Variants in STK40 observed in about 807,000 individuals in gnomAD.
STK40 encodes serine/threonine-protein kinase 40.
In STK40, 13 loss-of-function variants were observed where a neutral mutation model predicts 47.9. The observed-to-expected ratio is 0.27, with a 90% CI of 0.18 to 0.43. The LOEUF is 0.43. Among genes scored for constraint, STK40 ranks in the 20% least tolerant of loss-of-function variants. STK40 has a pLI of 1.00. For synonymous variants in STK40, 225 were observed against 243.2 expected (o/e 0.93, Z 0.69); for missense variants, 460 against 595.1 (o/e 0.77, Z 2.36).
intron 10 of STK40, 116 bp from the exon 11 acceptor site, chr1:36,342,089 G>C (rs1646654547): frequency 5.1e-6 from 5 of 987,216 alleles, no homozygotes; most frequent in Non-Finnish European, 7.6e-6. Context: ...ACCCTTCCAG[G>C]CACCACACCC....
In STK40 at chr1:36,380,066, A is replaced by T. The variant is rs183276111; in HGVS notation, c.-9+5657T>A. On this transcript the variant is annotated intron_variant, in intron 1 of 10. Coordinates refer to ENST00000373132, the MANE Select transcript of STK40 (RefSeq NM_001282547.2). Reference sequence around the variant, plus strand: ...CCAGACCTGCATGTGCCAAAGTGGAACTATCTCTAAGATAGTAAGTAAATC... The same window carrying T: ...CCAGACCTGCATGTGCCAAAGTGGATCTATCTCTAAGATAGTAAGTAAATC... Among the ~76,000 whole-genome samples the T allele has an allele frequency of 5.9e-5, 9 of 152,290 alleles. No individual in the cohort carries two copies. In the East Asian group the frequency reaches 1.7e-3, roughly 29 times the overall value.
At chr1:36,350,962 G>C (rs990118682) in intron 6 of STK40, among the ~76,000 whole-genome samples, 3 of 152,188 alleles carry the variant, frequency 2.0e-5, no homozygotes, top group Admixed American at 1.3e-4. Context: ...CCACCCAAGT[G>C]GGGGGTGCAT....
chr1:36,346,399 T>G (rs1486653416), intron 7 of STK40, among the ~76,000 whole-genome samples: 1 of 152,164 alleles, frequency 6.6e-6, no homozygotes, highest in Admixed American at 6.5e-5. Context: ...CAAATTCACA[T>G]GGTTATTAGC....
intron 1 of STK40, among the ~76,000 whole-genome samples, chr1:36,383,010 G>C (rs1647054086): frequency 6.6e-6 from 1 of 152,124 alleles, no homozygotes; most frequent in Non-Finnish European, 1.5e-5. Flanking sequence ...GTGCAATGAT[G>C]CAATTTTGGT....
intron 8 of STK40, 42 bp downstream of exon 8, chr1:36,344,078 C>T: frequency 1.9e-6 from 3 of 1,600,038 alleles, no homozygotes; most frequent in Middle Eastern, 1.7e-4. Context: ...TTAAGCCCAT[C>T]AGGCTGGCTG....
rs758899193 is a variant in STK40, at chr1:36,344,281, A to G, written c.740-17T>C. 1.3e-6 allele frequency: 2 copies of G among 1,576,732 alleles called. No individual in the cohort carries two copies. The highest frequency in any genetic ancestry group is 1.8e-5 in the Admixed American group (1 of 57,100). ...ACGGCCGGCCTACGGGCACACACATACCACACTGTCTTCAGGCCACAGCAC... is the reference window on the plus strand; with the variant it reads ...ACGGCCGGCCTACGGGCACACACATGCCACACTGTCTTCAGGCCACAGCAC... On this transcript the variant is annotated splice_polypyrimidine_tract_variant and intron_variant, in intron 7 of 10. Coordinates refer to ENST00000373132, the MANE Select transcript of STK40 (RefSeq NM_001282547.2).
rs547583286 is a variant in STK40 at position 36,382,286 on chromosome 1, C to A, written c.-9+3437G>T. Among the ~76,000 whole-genome samples, 118 of 152,046 alleles carry A rather than the reference C, an allele frequency of 7.8e-4. 1 individual carries two copies. The highest frequency in any genetic ancestry group is 4.3e-3 in the Admixed American group (65 of 15,276). ...CCTTGATCTCCTGGGCTCAAGAGAT[C>A]CTTCCACCTCAGCCTCCCTAGTAGC... On this transcript the variant is annotated intron_variant, in intron 1 of 10. Transcript: ENST00000373132.
intron 1 of STK40, among the ~76,000 whole-genome samples, chr1:36,363,087 G>A (rs745953302): frequency 2.0e-5 from 3 of 152,216 alleles, no homozygotes; most frequent in South Asian, 4.1e-4. Context: ...CCCAGGACAC[G>A]GAGTCTACAG....
At chr1:36,356,003 T>C (rs1403988810) in intron 4 of STK40, among the ~76,000 whole-genome samples, 1 of 151,848 alleles carries the variant, frequency 6.6e-6, no homozygotes, top group African/African-American at 2.4e-5. Flanking sequence ...TGGCTAAGAG[T>C]GACTCTGACC....
At chr1:36,366,588 C>T (rs188885467) in intron 1 of STK40, among the ~76,000 whole-genome samples, 227 of 152,234 alleles carry the variant, frequency 1.5e-3, no homozygotes, top group Non-Finnish European at 2.5e-3. Flanking sequence ...TCCAGAGACA[C>T]GCCTGCAAGT....
intron 1 of STK40, chr1:36,368,186 G>T (rs1431093870): frequency 1.3e-5 from 2 of 152,162 alleles, no homozygotes; most frequent in African/African-American, 4.8e-5. Context: ...TTAACCAACT[G>T]GTCAAAGTTA....
rs1231458851 is a variant in STK40 at position 36,339,820 on chromosome 1, G to C, written c.*1935C>G. On this transcript the variant is annotated 3_prime_UTR_variant, in exon 11 of 11. Transcript: ENST00000373132. ...CACCAGGAATGTCATCAGACACATG[G>C]CTTGACCTTGGAAGGGCCCAGTCTG... The C allele has an allele frequency of 6.6e-6, 1 of 152,652 alleles. No individual in the cohort carries two copies. The highest frequency in any genetic ancestry group is 2.4e-5 in the African/African-American group (1 of 41,454). 9.5% of individuals were successfully genotyped at this position (152,652 alleles called of 1,614,324 possible). A position where few individuals can be genotyped will look rare whatever the true frequency, so the allele number is the denominator to read the frequency against.
In STK40 at chr1:36,356,550, C is replaced by T. The variant is rs570988326; in HGVS notation, c.343-1117G>A. On this transcript the variant is annotated intron_variant, in intron 4 of 10. Coordinates refer to ENST00000373132, the MANE Select transcript of STK40 (RefSeq NM_001282547.2). ...ATGCCATTCTCCTGCCTCAGCCTCC[C>T]GAGTAGCTGGGAATACAGGTGCCCA... is the stretch of plus-strand genomic sequence containing the variant. 1.8e-3 allele frequency among the ~76,000 whole-genome samples: 274 copies of T among 151,418 alleles called. 2 individuals are homozygous for T. Among genetic ancestry groups the T allele is most frequent in the African/African-American group, 6.1e-3 (252 of 41,258 alleles).
chr1:36,368,280 T>C (rs766642753), intron 1 of STK40, among the ~76,000 whole-genome samples: 18 of 151,828 alleles, frequency 1.2e-4, no homozygotes, highest in Non-Finnish European at 4.4e-5. Flanking sequence ...ATGCTATATA[T>C]ATATTTTTTT....
chr1:36,339,886 A>G lies in STK40; in HGVS notation c.*1869T>C, dbSNP rs999618183. The G allele has an allele frequency of 3.9e-5, 6 of 152,452 alleles. No individual in the cohort carries two copies. Among genetic ancestry groups the G allele is most frequent in the African/African-American group, 1.4e-4 (6 of 41,416 alleles). The allele number at this position is 152,452 out of a possible 1,614,324, so 9.4% of individuals were successfully genotyped here. ...CAGACCCGGCGGCTATTGCTTTGAA[A>G]AGGAGGAGAAAGACCACGCACGGGC... On this transcript the variant is annotated 3_prime_UTR_variant, in exon 11 of 11. Coordinates refer to ENST00000373132, the MANE Select transcript of STK40 (RefSeq NM_001282547.2).
At chr1:36,382,075 C>T (rs929658000) in intron 1 of STK40, among the ~76,000 whole-genome samples, 2 of 152,202 alleles carry the variant, frequency 1.3e-5, no homozygotes, top group African/African-American at 4.8e-5. Context: ...AGCTACCACA[C>T]TCATCAGTGT....
At chr1:36,342,317 C>T (rs953765909) in intron 10 of STK40, 13 of 329,302 alleles carry the variant, frequency 3.9e-5, no homozygotes, top group African/African-American at 2.1e-4. Context: ...GGCTAATGCA[C>T]GTCAAGAGGT....
At chr1:36,357,175 G>C (rs1456192327) in intron 4 of STK40, among the ~76,000 whole-genome samples, 1 of 152,210 alleles carries the variant, frequency 6.6e-6, no homozygotes, top group Non-Finnish European at 1.5e-5. Context: ...AATGGAGGTA[G>C]GTACTGTTAT....
chr1:36,347,873 G>A (rs1370420149), intron 7 of STK40, among the ~76,000 whole-genome samples: 2 of 152,060 alleles, frequency 1.3e-5, no homozygotes, highest in Non-Finnish European at 2.9e-5. Flanking sequence ...GGCTGGTCTC[G>A]AACTCCTGAC....
Sources: gnomAD v4.1 joint callset for allele counts (sites outside exome capture counted in the v4.1 genomes callset) on GRCh38, gnomAD v4.1.1 for gene constraint, MANE v1.5 for transcripts, NCBI Gene and HGNC (gene_info 2026-07-23, HGNC 2026-07-21) for gene names.